The following BICC1 variants were observed in gnomAD, a reference collection of about 807,000 sequenced individuals.
The protein encoded by BICC1 is BicC family RNA binding protein 1.
A neutral mutation model predicts 111.0 loss-of-function variants in BICC1; 43 were observed. That is an observed-to-expected ratio of 0.39 (90% CI 0.30 to 0.50). BICC1 has a LOEUF of 0.50. BICC1 is among the 20% of genes least tolerant of loss of function. BICC1 has a pLI of 0.88. For missense variants in BICC1, 1,091 were observed against 1,203.2 expected (o/e 0.91, Z 1.38); for synonymous variants, 467 against 434.4 (o/e 1.07, Z -0.93).
intron 2 of BICC1, among the ~76,000 whole-genome samples, chr10:58,654,552 G>A (rs1838566409): frequency 1.5e-5 from 1 of 67,550 alleles, no homozygotes; most frequent in African/African-American, 5.1e-5. Context: ...TTGTAAATTT[G>A]TTTGAGTTCA....
chr10:58,610,641 A>G (rs1161814752), intron 1 of BICC1, among the ~76,000 whole-genome samples: 1 of 151,514 alleles, frequency 6.6e-6, no homozygotes, highest in African/African-American at 2.4e-5. Context: ...TGAGCCATAG[A>G]GCCCTTTTAT....
chr10:58,801,967 C>T (rs1360901975), intron 14 of BICC1, among the ~76,000 whole-genome samples: 2 of 152,176 alleles, frequency 1.3e-5, no homozygotes, highest in African/African-American at 2.4e-5. Context: ...CTGAGTATGT[C>T]CTGAACCTTC....
intron 1 of BICC1, among the ~76,000 whole-genome samples, chr10:58,524,937 T>C (rs1415705558): frequency 6.6e-6 from 1 of 152,102 alleles, no homozygotes; most frequent in Non-Finnish European, 1.5e-5. Flanking sequence ...AAGACACTTT[T>C]GCAGCCAACA....
At position 58,806,491 on chromosome 10, in the gene BICC1, G is replaced by C. The variant is rs553921630; in HGVS notation, c.2182-93G>C. On this transcript the variant is annotated intron_variant, in intron 15 of 20. Transcript: ENST00000373886. The stretch of plus-strand genomic sequence containing the variant: ...GGTGTATGTCTCAGGCAGATTCATG[G>C]AACACAGTCAAAACCTTTGTTCTCT... 2.4e-5 allele frequency: 27 copies of C among 1,120,788 alleles called. No homozygotes were observed. In the East Asian group the frequency reaches 6.1e-4, roughly 25 times the overall value. The allele number at this position is 1,120,788 out of a possible 1,614,324, so 69.4% of individuals were successfully genotyped here.
chr10:58,718,329 G>A (rs1271594889), intron 3 of BICC1, among the ~76,000 whole-genome samples: 1 of 152,076 alleles, frequency 6.6e-6, no homozygotes. Flanking sequence ...TTTTATAAGG[G>A]CACTAATGCT....
intron 15 of BICC1, among the ~76,000 whole-genome samples, chr10:58,804,762 C>G (rs1327969677): frequency 6.6e-6 from 1 of 152,014 alleles, no homozygotes; most frequent in African/African-American, 2.4e-5. Context: ...TTCAGCCTAA[C>G]TCGATGTATT....
intron 18 of BICC1, chr10:58,814,445 A>T (rs1001714741): frequency 3.3e-6 from 1 of 305,074 alleles, no homozygotes; most frequent in African/African-American, 2.2e-5. Flanking sequence ...TGGGTAATGT[A>T]CACACATGCA....
intron 2 of BICC1, 117 bp from the exon 3 acceptor site, chr10:58,701,957 C>A: frequency 3.1e-6 from 2 of 654,162 alleles, no homozygotes; most frequent in Non-Finnish European, 5.0e-6. Flanking sequence ...CAAATGAGAT[C>A]ATTTTGTATG....
chr10:58,692,968 G>A (rs1037449262), intron 2 of BICC1, among the ~76,000 whole-genome samples: 5 of 151,712 alleles, frequency 3.3e-5, no homozygotes, highest in South Asian at 4.2e-4. Context: ...CCATTAGCTC[G>A]TCATTTAGCA....
At position 58,830,339 on chromosome 10, in the gene BICC1, T is replaced by C. The variant is rs1241372236; in HGVS notation, c.*1448T>C. The C allele has an allele frequency of 1.3e-5, 2 of 152,124 alleles. No individual in the cohort carries two copies. Among genetic ancestry groups the C allele is most frequent in the African/African-American group, 4.8e-5 (2 of 41,458 alleles). 9.4% of individuals were successfully genotyped at this position (152,124 alleles called of 1,614,324 possible). Reference sequence around the variant, plus strand: ...TTCAAAGCAATATTATTTCCAAGTATATTAATTTGTTAGAAAACTTTCCCA... The same window carrying C: ...TTCAAAGCAATATTATTTCCAAGTACATTAATTTGTTAGAAAACTTTCCCA... On this transcript the variant is annotated 3_prime_UTR_variant, in exon 21 of 21. Coordinates refer to ENST00000373886, the MANE Select transcript of BICC1 (RefSeq NM_001080512.3).
chr10:58,624,523 T>C (rs1268676630), intron 2 of BICC1, among the ~76,000 whole-genome samples: 5 of 152,238 alleles, frequency 3.3e-5, no homozygotes, highest in Non-Finnish European at 2.9e-5. Context: ...ATTTCTAAAT[T>C]GTCTACAATG....
chr10:58,683,505 A>G (rs200544698), intron 2 of BICC1, among the ~76,000 whole-genome samples: 7 of 152,150 alleles, frequency 4.6e-5, no homozygotes, highest in Non-Finnish European at 8.8e-5. Context: ...GATTCTTCCT[A>G]TCCATGAGCA....
At chr10:58,620,819 A>G (rs747521066) in intron 1 of BICC1, 36 bp from the exon 2 acceptor site, 2 of 1,600,194 alleles carry the variant, frequency 1.2e-6, no homozygotes, top group South Asian at 1.1e-5. Flanking sequence ...GCATACATTG[A>G]AAAAGTATTT....
chr10:58,602,916 C>T (rs528672796), intron 1 of BICC1, among the ~76,000 whole-genome samples: 1 of 152,314 alleles, frequency 6.6e-6, no homozygotes, highest in South Asian at 2.1e-4. Flanking sequence ...GGATTATAGA[C>T]TTGGTCTTCT....
In BICC1 at chr10:58,796,347, T is replaced by C; in HGVS notation, c.1187T>C (p.Ile396Thr). Reference sequence around the variant, plus strand: ...CATTATGTGTTTTCATAGTCTGTGATTGTGAAAAGTGTTGAGCGAAATGCC... The same window carrying C: ...CATTATGTGTTTTCATAGTCTGTGACTGTGAAAAGTGTTGAGCGAAATGCC... The part of the protein sequence containing the change: ...PKPKQPSKSV[I>T]VKSVERNALN... Residue 396 changes from isoleucine (I) to threonine (T), a missense_variant, in exon 10 of 21, where the codon ATT (isoleucine) becomes ACT (threonine). By Grantham distance (89) the Ile-to-Thr change is moderately conservative (BLOSUM62 -1). Coordinates refer to ENST00000373886, the MANE Select transcript of BICC1 (RefSeq NM_001080512.3). 2 of 1,613,648 alleles carry C rather than the reference T, an allele frequency of 1.2e-6. No homozygotes were observed. The highest frequency in any genetic ancestry group is 1.1e-5 in the South Asian group (1 of 91,036).
intron 1 of BICC1, among the ~76,000 whole-genome samples, chr10:58,609,758 A>T (rs577608974): frequency 1.3e-5 from 2 of 152,238 alleles, no homozygotes; most frequent in East Asian, 1.9e-4. Context: ...GCGTAGCTCT[A>T]TAGGAAGATC....
At chr10:58,747,995 A>C (rs1393700628) in intron 3 of BICC1, among the ~76,000 whole-genome samples, 2 of 152,150 alleles carry the variant, frequency 1.3e-5, no homozygotes, top group Admixed American at 6.6e-5. Flanking sequence ...AATATTTACT[A>C]TCTGGCCCTT....
rs73296733 is a variant in BICC1 at position 58,785,429 on chromosome 10, G to A, written c.387+349G>A. ...TGATTAATATAGGGTAAGTAATAAG[G>A]ATTGTAGGAATTAGATTATTTGCTT... is the stretch of plus-strand genomic sequence containing the variant. On this transcript the variant is annotated intron_variant, in intron 4 of 20. Transcript: ENST00000373886. Among the ~76,000 whole-genome samples the A allele has an allele frequency of 2.8e-3, 421 of 152,146 alleles. 1 individual carries two copies. The highest frequency in any genetic ancestry group is 9.7e-3 in the African/African-American group (402 of 41,520).
chr10:58,722,312 A>G lies in BICC1; in HGVS notation c.307+20169A>G, dbSNP rs151110683. 2.4e-3 allele frequency among the ~76,000 whole-genome samples: 362 copies of G among 152,316 alleles called. 1 individual carries two copies. Among genetic ancestry groups the G allele is most frequent in the African/African-American group, 8.2e-3 (339 of 41,570 alleles). On this transcript the variant is annotated intron_variant, in intron 3 of 20. Coordinates refer to ENST00000373886, the MANE Select transcript of BICC1 (RefSeq NM_001080512.3). ...AGCCCTGGCTTTCCTTAGCCCTGTG[A>G]TCTATTTTGAACCTTATTCTAGCGG...
Sources: allele counts gnomAD v4.1 joint callset (sites outside exome capture counted in the v4.1 genomes callset), GRCh38; gene constraint gnomAD v4.1.1; transcripts MANE v1.5; gene names NCBI Gene and HGNC (gene_info 2026-07-23, HGNC 2026-07-21).